The following CCDC172 variants were observed in gnomAD, a reference collection of about 807,000 sequenced individuals.
CCDC172 encodes coiled-coil domain-containing protein 172.
In CCDC172, 30 loss-of-function variants were observed where a neutral mutation model predicts 38.0. The ratio of observed to expected loss-of-function variants is 0.79; its 90% CI spans 0.59 to 1.07. The LOEUF is 1.07. Ranked by LOEUF, CCDC172 falls within the 50% of genes least tolerant of loss-of-function variation. The pLI is 0.00. For missense variants in CCDC172, 297 were observed against 290.1 expected (o/e 1.02, Z -0.17); for synonymous variants, 78 against 88.3 (o/e 0.88, Z 0.66).
intron 5 of CCDC172, among the ~76,000 whole-genome samples, chr10:116,348,117 A>G (rs901067129): frequency 2.0e-5 from 3 of 151,794 alleles, no homozygotes; most frequent in African/African-American, 7.3e-5. Flanking sequence ...AAATGTACGT[A>G]CTATAATTAT....
intron 7 of CCDC172, among the ~76,000 whole-genome samples, chr10:116,375,722 A>ATT (rs1845236717): frequency 6.6e-6 from 1 of 152,198 alleles, no homozygotes; most frequent in East Asian, 1.9e-4. Context: ...GGCCAAGGAT[A>ATT]TGAACAGACA....
intron 3 of CCDC172, among the ~76,000 whole-genome samples, chr10:116,338,156 C>T (rs1342147839): frequency 6.6e-6 from 1 of 152,104 alleles, no homozygotes; most frequent in East Asian, 1.9e-4. Flanking sequence ...ATGTCCTTAA[C>T]AATGTGAAGC....
chr10:116,326,536 C>T (rs958661611), intron 3 of CCDC172, among the ~76,000 whole-genome samples: 5 of 152,208 alleles, frequency 3.3e-5, no homozygotes, highest in Non-Finnish European at 7.3e-5. Context: ...ACTTCTCCAT[C>T]TGGCGAATTT....
chr10:116,336,110 T>C (rs1844729290), intron 3 of CCDC172, among the ~76,000 whole-genome samples: 1 of 151,872 alleles, frequency 6.6e-6, no homozygotes, highest in Non-Finnish European at 1.5e-5. Flanking sequence ...GAGGTTGCAG[T>C]GAGCCAAGAT....
chr10:116,345,616 TAAG>T (rs1844856337), intron 5 of CCDC172, among the ~76,000 whole-genome samples: 3 of 151,994 alleles, frequency 2.0e-5, no homozygotes, highest in Non-Finnish European at 2.9e-5. Context: ...ACTTAAAAAA[TAAG>T]AAAGGCAAAA....
Position 116,378,509 on chromosome 10 carries a change from T to C in CCDC172, c.740T>C (p.Leu247Ser), listed in dbSNP as rs751468487. 4 of 1,599,738 alleles carry C rather than the reference T, an allele frequency of 2.5e-6. No homozygotes were observed. The highest frequency in any genetic ancestry group is 2.3e-5 in the South Asian group (2 of 88,290). Residue 247 changes from leucine (L) to serine (S), a missense_variant and splice_region_variant, in exon 8 of 9, where the codon TTG (leucine) becomes TCG (serine). Coordinates refer to ENST00000333254, the MANE Select transcript of CCDC172 (RefSeq NM_198515.3). ...ALQTEIEFLE[L>S]TLAQKDLQES... Reference sequence around the variant, plus strand: ...CAAACAGAAATAGAATTTTTGGAGTTGGTAAGTTATCATTGATTGTTTAAC... The same window carrying C: ...CAAACAGAAATAGAATTTTTGGAGTCGGTAAGTTATCATTGATTGTTTAAC...
intron 7 of CCDC172, among the ~76,000 whole-genome samples, chr10:116,371,638 T>G (rs1845187044): frequency 6.6e-6 from 1 of 152,046 alleles, no homozygotes; most frequent in Admixed American, 6.6e-5. Context: ...TCAAAGTATT[T>G]TTGCTTTTTG....
intron 5 of CCDC172, among the ~76,000 whole-genome samples, chr10:116,350,942 G>A (rs1329395828): frequency 1.3e-5 from 2 of 151,844 alleles, no homozygotes; most frequent in East Asian, 3.9e-4. Context: ...TAAACAAGTA[G>A]GAAAAAAAGT....
At chr10:116,349,393 C>A (rs554075685) in intron 5 of CCDC172, among the ~76,000 whole-genome samples, 8 of 152,286 alleles carry the variant, frequency 5.3e-5, no homozygotes, top group African/African-American at 1.9e-4. Context: ...AGGTTGGGGA[C>A]TGGTGATCTA....
intron 5 of CCDC172, among the ~76,000 whole-genome samples, chr10:116,352,632 A>G (rs958268882): frequency 6.6e-6 from 1 of 152,282 alleles, no homozygotes; most frequent in East Asian, 1.9e-4. Flanking sequence ...GATAGAGGGC[A>G]TCTATAGAAA....
chr10:116,347,244 G>C (rs1406594372), intron 5 of CCDC172, among the ~76,000 whole-genome samples: 1 of 152,186 alleles, frequency 6.6e-6, no homozygotes, highest in Non-Finnish European at 1.5e-5. Flanking sequence ...CTTCATGAAA[G>C]ATGGGCAGAA....
intron 8 of CCDC172, 107 bp from the exon 9 acceptor site, chr10:116,379,216 T>G: frequency 1.8e-6 from 1 of 557,044 alleles, no homozygotes; most frequent in Non-Finnish European, 3.0e-6. Flanking sequence ...AAAATATAAT[T>G]AAGAAATGCC....
chr10:116,340,680 T>C, intron 3 of CCDC172, 54 bp from the exon 4 acceptor site: 1 of 863,148 alleles, frequency 1.2e-6, no homozygotes, highest in East Asian at 2.4e-5. Flanking sequence ...CCTAAGGTAC[T>C]CTAAAATGTC....
At chr10:116,351,807 A>T (rs1565717998) in intron 5 of CCDC172, among the ~76,000 whole-genome samples, 1 of 152,190 alleles carries the variant, frequency 6.6e-6, no homozygotes, top group Non-Finnish European at 1.5e-5. Flanking sequence ...GTTTTTGGAT[A>T]GTAGCACTGG....
intron 5 of CCDC172, among the ~76,000 whole-genome samples, chr10:116,348,067 CA>C (rs1299822143): frequency 6.6e-6 from 1 of 152,006 alleles, no homozygotes; most frequent in Non-Finnish European, 1.5e-5. Context: ...GTTGATTTCA[CA>C]AAAAGCATAC....
At chr10:116,329,308 G>T (rs1844628073) in intron 3 of CCDC172, among the ~76,000 whole-genome samples, 1 of 151,676 alleles carries the variant, frequency 6.6e-6, no homozygotes, top group Admixed American at 6.6e-5. Flanking sequence ...AGGACAGTCA[G>T]GTTTATGGGG....
chr10:116,326,564 T>A (rs1160253416), intron 3 of CCDC172, among the ~76,000 whole-genome samples: 1 of 152,188 alleles, frequency 6.6e-6, no homozygotes, highest in South Asian at 2.1e-4. Flanking sequence ...TCTTTCCAGG[T>A]GTTGCTCAAA....
chr10:116,370,675 C>T (rs1845176999), intron 7 of CCDC172, among the ~76,000 whole-genome samples: 3 of 150,338 alleles, frequency 2.0e-5, no homozygotes, highest in South Asian at 4.2e-4. Flanking sequence ...CAGGGCTTTC[C>T]TAAAAAGAAA....
chr10:116,354,286 GTATT>G (rs1287739188), intron 5 of CCDC172, among the ~76,000 whole-genome samples: 2 of 152,106 alleles, frequency 1.3e-5, no homozygotes, highest in Non-Finnish European at 2.9e-5. Flanking sequence ...ACTGGTTTAT[GTATT>G]ATTATACTTT....
Sources: gnomAD v4.1 joint callset for allele counts (sites outside exome capture counted in the v4.1 genomes callset) on GRCh38, gnomAD v4.1.1 for gene constraint, MANE v1.5 for transcripts, NCBI Gene and HGNC (gene_info 2026-07-23, HGNC 2026-07-21) for gene names.